The following POGZ variants were observed in gnomAD, a reference collection of about 807,000 sequenced individuals.
POGZ encodes pogo transposable element derived with ZNF domain.
Under a neutral mutation model 134.6 loss-of-function variants are expected in POGZ, and 17 were observed. That is an observed-to-expected ratio of 0.13 (90% confidence interval 0.09 to 0.19). POGZ has a LOEUF of 0.19. Ranked by LOEUF, POGZ falls within the 10% of genes least tolerant of loss-of-function variation. The probability of loss-of-function intolerance (pLI) is 1.00; values close to 1 mark genes in which losing one functional copy is unlikely to be tolerated. For missense variants in POGZ, 1,306 were observed against 1,769.7 expected (o/e 0.74, Z 4.70); for synonymous variants, 693 against 657.1 (o/e 1.05, Z -0.84).
intron 3 of POGZ, among the ~76,000 whole-genome samples, chr1:151,431,754 A>C (rs1658733278): frequency 6.6e-6 from 1 of 152,226 alleles, no homozygotes; most frequent in East Asian, 1.9e-4. Context: ...AAAATTTTAT[A>C]AATATTTTTA....
intron 1 of POGZ, among the ~76,000 whole-genome samples, chr1:151,446,043 C>CA (rs1426521862): frequency 2.4e-5 from 3 of 124,224 alleles, no homozygotes; most frequent in Non-Finnish European, 3.5e-5. Flanking sequence ...TACCGTCTTT[C>CA]AACTTTTTTT....
chr1:151,409,282 C>A (rs891793859), intron 12 of POGZ, among the ~76,000 whole-genome samples: 2 of 152,198 alleles, frequency 1.3e-5, no homozygotes, highest in African/African-American at 4.8e-5. Flanking sequence ...CCCTTCCATA[C>A]AAACAACTTA....
At chr1:151,441,871 C>T (rs907861467) in intron 2 of POGZ, among the ~76,000 whole-genome samples, 8 of 152,046 alleles carry the variant, frequency 5.3e-5, no homozygotes, top group Non-Finnish European at 1.5e-5. Context: ...CCAATGTTTT[C>T]GATGAATTAA....
intron 1 of POGZ, among the ~76,000 whole-genome samples, chr1:151,449,388 G>A (rs953953470): frequency 6.6e-6 from 1 of 152,096 alleles, no homozygotes; most frequent in African/African-American, 2.4e-5. Flanking sequence ...GTGAGGAGAG[G>A]TGTTACTGAC....
chr1:151,458,919 A>G (rs1291976191), intron 1 of POGZ, among the ~76,000 whole-genome samples: 4 of 143,252 alleles, frequency 2.8e-5, no homozygotes, highest in African/African-American at 1.0e-4. Flanking sequence ...CCCGGGGCGC[A>G]CGCACACACA....
Position 151,405,120 on chromosome 1 carries a change from C to T in POGZ, c.3915G>A (p.Leu1305=). The T allele has an allele frequency of 6.2e-7, 1 of 1,614,220 alleles. No homozygotes were observed. The highest frequency in any genetic ancestry group is 1.1e-5 in the South Asian group (1 of 91,086). Residue 1305 remains leucine (L), a synonymous_variant, in exon 19 of 19, where the codon CTG becomes CTA. Coordinates refer to ENST00000271715, the MANE Select transcript of POGZ (RefSeq NM_015100.4). The surrounding 1 kb of genome is among the most constrained non-coding windows in gnomAD (Gnocchi z 4.9). ...DVLLQLVLVW[L]GEVLGVIGDC... The stretch of plus-strand genomic sequence containing the variant: ...CCCCAATGACACCTAGCACTTCACC[C>T]AGCCAGACAAGCACCAGCTGAAGCA...
chr1:151,458,489 ATCGGCT>A (rs1663042662), intron 1 of POGZ, among the ~76,000 whole-genome samples: 2 of 151,988 alleles, frequency 1.3e-5, no homozygotes, highest in Admixed American at 1.3e-4. Context: ...AACACAAGGG[ATCGGCT>A]CAGCAATCAC....
intron 1 of POGZ, among the ~76,000 whole-genome samples, chr1:151,449,281 A>G (rs1025105890): frequency 6.6e-6 from 1 of 152,236 alleles, no homozygotes; most frequent in African/African-American, 2.4e-5. Flanking sequence ...AGGAATCTTC[A>G]TAAGTGACAG....
rs1660535954 is a variant in POGZ, at chr1:151,441,627, A to T, written c.124+454T>A. ...ATGAAAGAAAAGCTAACAAGCCTAA[A>T]TTTGTAAACTGTCCATGAAGGCAGA... On this transcript the variant is annotated intron_variant, in intron 2 of 18. Transcript: ENST00000271715. 2.0e-5 allele frequency among the ~76,000 whole-genome samples: 3 copies of T among 152,220 alleles called. No homozygotes were observed. In the South Asian group the frequency reaches 6.2e-4, roughly 32 times the overall value.
intron 10 of POGZ, among the ~76,000 whole-genome samples, 180 bp from the exon 11 acceptor site, chr1:151,412,576 T>C (rs983766173): frequency 3.3e-5 from 5 of 152,222 alleles, no homozygotes; most frequent in Admixed American, 3.3e-4. Context: ...GATAATCTTA[T>C]GTACGTAGCT....
At chr1:151,452,181 G>A (rs779075441) in intron 1 of POGZ, among the ~76,000 whole-genome samples, 2 of 151,072 alleles carry the variant, frequency 1.3e-5, no homozygotes, top group Non-Finnish European at 2.9e-5. Flanking sequence ...AAGGTCAGGA[G>A]TTCAAGACCA....
chr1:151,450,414 G>A (rs970731045), intron 1 of POGZ, among the ~76,000 whole-genome samples: 2 of 151,346 alleles, frequency 1.3e-5, no homozygotes, highest in South Asian at 2.1e-4. Flanking sequence ...GTGCAGTGGC[G>A]CGATCTCAAC....
At chr1:151,448,769 G>T (rs979976219) in intron 1 of POGZ, among the ~76,000 whole-genome samples, 5 of 152,142 alleles carry the variant, frequency 3.3e-5, no homozygotes, top group African/African-American at 1.2e-4. Flanking sequence ...ACAGGCTGAG[G>T]TGGGAGAATC....
chr1:151,427,434 C>T (rs946920454), intron 7 of POGZ: 1 of 231,172 alleles, frequency 4.3e-6, no homozygotes, highest in African/African-American at 2.3e-5. Flanking sequence ...AGGCCCTTTA[C>T]AGAAAACATT....
At chr1:151,416,210 C>CAAAAAAAAAAA (rs1212371839) in intron 10 of POGZ, among the ~76,000 whole-genome samples, 12 of 42,712 alleles carry the variant, frequency 2.8e-4, no homozygotes, top group African/African-American at 4.3e-4. Context: ...AACTCCATCT[C>CAAAAAAAAAAA]AAAAAAAAAA....
intron 1 of POGZ, among the ~76,000 whole-genome samples, chr1:151,451,389 C>T (rs1478123195): frequency 1.3e-5 from 2 of 151,894 alleles, no homozygotes; most frequent in African/African-American, 2.4e-5. Flanking sequence ...CCCAATGGCG[C>T]GATCTCAGCT....
chr1:151,425,012 T>A lies in POGZ; in HGVS notation c.1128A>T (p.Ile376=), dbSNP rs752744716. Residue 376 remains isoleucine, a synonymous_variant, in exon 8 of 19, where the codon ATA becomes ATT. Coordinates refer to ENST00000271715, the MANE Select transcript of POGZ (RefSeq NM_015100.4). ...VFDLQDGGRK[I]CPRCNAQFRV... ...GAAATTGAGCATTACATCGTGGACA[T>A]ATTTTCCGTCCACCATCCTGGAGGT... 6.3e-7 allele frequency: 1 copy of A among 1,598,800 alleles called. No individual in the cohort carries two copies. Among genetic ancestry groups the A allele is most frequent in the Non-Finnish European group, 8.5e-7 (1 of 1,169,672 alleles).
chr1:151,424,802 C>T (rs961469693), intron 8 of POGZ, among the ~76,000 whole-genome samples, 153 bp downstream of exon 8: 2 of 152,154 alleles, frequency 1.3e-5, no homozygotes, highest in African/African-American at 2.4e-5. Context: ...CATCACATTC[C>T]AAAGTACACA....
chr1:151,418,733 A>G (rs1055831989), intron 10 of POGZ, among the ~76,000 whole-genome samples: 4 of 152,018 alleles, frequency 2.6e-5, no homozygotes, highest in African/African-American at 7.2e-5. Flanking sequence ...TTTTTGAAAA[A>G]GCTACTTTTG....
Sources: allele counts gnomAD v4.1 joint callset (sites outside exome capture counted in the v4.1 genomes callset), GRCh38; gene constraint gnomAD v4.1.1; non-coding constraint Gnocchi (gnomAD v3.1); transcripts MANE v1.5; gene names NCBI Gene and HGNC (gene_info 2026-07-23, HGNC 2026-07-21).